CAMK1D: variants seen among roughly 807,000 people sequenced by gnomAD.
CAMK1D encodes the protein calcium/calmodulin dependent protein kinase ID.
In CAMK1D, 9 loss-of-function variants were observed where a neutral mutation model predicts 47.7. That is an observed-to-expected ratio of 0.19 (90% CI 0.11 to 0.33). The LOEUF is 0.33. Ranked by LOEUF, CAMK1D falls within the 10% of genes least tolerant of loss-of-function variation. The pLI, the probability that CAMK1D is intolerant of heterozygous loss-of-function variation, is 1.00. For missense variants in CAMK1D, 291 were observed against 488.7 expected (o/e 0.60, Z 3.81); for synonymous variants, 184 against 184.9 (o/e 0.99, Z 0.04).
At chr10:12,810,739 CTT>C (rs1019780797) in intron 6 of CAMK1D, among the ~76,000 whole-genome samples, 3 of 152,206 alleles carry the variant, frequency 2.0e-5, no homozygotes, top group African/African-American at 7.2e-5. Context: ...AAGTTCAATT[CTT>C]GAGTCCCCTC....
At chr10:12,569,378 A>G (rs1837243331) in intron 2 of CAMK1D, among the ~76,000 whole-genome samples, 1 of 152,146 alleles carries the variant, frequency 6.6e-6, no homozygotes, top group African/African-American at 2.4e-5. Flanking sequence ...TACTCGGCAT[A>G]CAAGTCCAAT....
chr10:12,603,200 C>A (rs1474551647), intron 2 of CAMK1D, among the ~76,000 whole-genome samples: 5 of 152,096 alleles, frequency 3.3e-5, no homozygotes, highest in Non-Finnish European at 7.3e-5. Flanking sequence ...CGCGCCTGGC[C>A]TCTAACTGCT....
At chr10:12,637,712 A>G (rs1157056615) in intron 2 of CAMK1D, among the ~76,000 whole-genome samples, 1 of 152,194 alleles carries the variant, frequency 6.6e-6, no homozygotes, top group East Asian at 1.9e-4. Context: ...CTGTTGAAGA[A>G]CATGGTGAGG....
At position 12,752,983 on chromosome 10, in the gene CAMK1D, C is replaced by T. The variant is rs145385701; in HGVS notation, c.300-7965C>T. 1.4e-3 allele frequency among the ~76,000 whole-genome samples: 220 copies of T among 152,200 alleles called. 3 individuals carry two copies. The highest frequency in any genetic ancestry group is 5.0e-3 in the African/African-American group (206 of 41,524). On this transcript the variant is annotated intron_variant, in intron 3 of 10. Coordinates refer to ENST00000619168, the MANE Select transcript of CAMK1D (RefSeq NM_153498.4). ...ACAATTGGCCGGGCATGGTGGCTCA[C>T]GCCTGTAATCCCAGCACTTTGGGAG...
chr10:12,599,518 TA>T, intron 2 of CAMK1D, among the ~76,000 whole-genome samples: 1 of 152,302 alleles, frequency 6.6e-6, no homozygotes, highest in South Asian at 2.1e-4. Flanking sequence ...AGACATAAAG[TA>T]AGAAGAAAAG....
At chr10:12,402,888 A>T (rs932456369) in intron 1 of CAMK1D, among the ~76,000 whole-genome samples, 1 of 151,976 alleles carries the variant, frequency 6.6e-6, no homozygotes, top group Non-Finnish European at 1.5e-5. Flanking sequence ...GCAAAAGGTG[A>T]TGAGTTCCAG....
At chr10:12,468,884 G>A (rs1833668786) in intron 1 of CAMK1D, among the ~76,000 whole-genome samples, 1 of 152,106 alleles carries the variant, frequency 6.6e-6, no homozygotes, top group Admixed American at 6.5e-5. Flanking sequence ...ATTGGATTCA[G>A]GCAAGCAAAT....
intron 2 of CAMK1D, among the ~76,000 whole-genome samples, chr10:12,563,141 A>T (rs1346560236): frequency 6.6e-6 from 1 of 152,254 alleles, no homozygotes; most frequent in African/African-American, 2.4e-5. Flanking sequence ...AAGGCCAAAG[A>T]CCTGGGAACC....
chr10:12,413,424 C>A (rs932509774), intron 1 of CAMK1D, among the ~76,000 whole-genome samples: 9 of 133,844 alleles, frequency 6.7e-5, no homozygotes, highest in Non-Finnish European at 1.1e-4. Flanking sequence ...AATATCCAAA[C>A]TTTATCAGTG....
At chr10:12,746,105 G>A (rs369551594) in intron 3 of CAMK1D, among the ~76,000 whole-genome samples, 8 of 152,142 alleles carry the variant, frequency 5.3e-5, no homozygotes, top group African/African-American at 1.7e-4. Context: ...GGTGATGCCT[G>A]TAGAGCTATT....
At chr10:12,819,999 G>C (rs2482025) in intron 8 of CAMK1D, among the ~76,000 whole-genome samples, 4 of 151,720 alleles carry the variant, frequency 2.6e-5, no homozygotes, top group Non-Finnish European at 4.4e-5. Context: ...GGAAGATTGT[G>C]CTAGGAGGAG....
chr10:12,790,339 C>G (rs538706522), intron 5 of CAMK1D, among the ~76,000 whole-genome samples: 79 of 152,332 alleles, frequency 5.2e-4, no homozygotes, highest in Non-Finnish European at 9.6e-4. Context: ...GCTCTGAGCT[C>G]CACTGCACTG....
rs1835578804 is a variant in CAMK1D at position 12,525,159 on chromosome 10, TTTTC to T, written c.93-28062_93-28059del. Among the ~76,000 whole-genome samples, 3 of 152,200 alleles carry T rather than the reference TTTTC, an allele frequency of 2.0e-5. No homozygotes were observed. The South Asian group carries it at 6.2e-4, about 32-fold the overall frequency. ...TTTCTCCGGCTAGTCTCAAGATTGT[TTTTC>T]TTTATTTTTGATTTTTGGCAGTTTG... On this transcript the variant is annotated intron_variant, in intron 1 of 10. Coordinates refer to ENST00000619168, the MANE Select transcript of CAMK1D (RefSeq NM_153498.4).
intron 2 of CAMK1D, among the ~76,000 whole-genome samples, chr10:12,559,315 T>C (rs1383210715): frequency 6.6e-6 from 1 of 151,976 alleles, no homozygotes; most frequent in South Asian, 2.1e-4. Flanking sequence ...AACAAAAATA[T>C]TATGCTGATG....
chr10:12,401,827 A>G (rs1442403149), intron 1 of CAMK1D, among the ~76,000 whole-genome samples: 1 of 152,034 alleles, frequency 6.6e-6, no homozygotes, highest in South Asian at 2.1e-4. Context: ...TCAGGCATGT[A>G]TAGGGGAGTA....
chr10:12,382,938 A>ATTTTTTTTT (rs754496255), intron 1 of CAMK1D, among the ~76,000 whole-genome samples: 1 of 144,770 alleles, frequency 6.9e-6, no homozygotes. Context: ...GCAAGTAGCA[A>ATTTTTTTTT]TTTTTTTTTT....
intron 1 of CAMK1D, among the ~76,000 whole-genome samples, chr10:12,463,135 T>G (rs867171772): frequency 1.3e-5 from 2 of 151,950 alleles, no homozygotes; most frequent in South Asian, 4.2e-4. Flanking sequence ...TAAGAGTTTT[T>G]TTTTTTTTTT....
intron 2 of CAMK1D, among the ~76,000 whole-genome samples, chr10:12,617,174 G>T (rs1838850405): frequency 6.6e-6 from 1 of 152,154 alleles, no homozygotes; most frequent in Non-Finnish European, 1.5e-5. Context: ...TTTAAGCTTT[G>T]CAGTAAGATT....
At chr10:12,611,040 CTGTTT>C (rs1009875155) in intron 2 of CAMK1D, among the ~76,000 whole-genome samples, 4 of 152,160 alleles carry the variant, frequency 2.6e-5, no homozygotes, top group Admixed American at 6.5e-5. Context: ...CTTGAGCTGT[CTGTTT>C]TATTGATGAA....
Sources: gnomAD v4.1 joint callset for allele counts (sites outside exome capture counted in the v4.1 genomes callset) on GRCh38, gnomAD v4.1.1 for gene constraint, MANE v1.5 for transcripts, NCBI Gene and HGNC (gene_info 2026-07-23, HGNC 2026-07-21) for gene names.